Variants in CLASP2 observed in about 807,000 individuals in gnomAD.
The protein encoded by CLASP2 is CLIP-associating protein 2.
A neutral mutation model predicts 194.4 loss-of-function variants in CLASP2; 47 were observed. The observed-to-expected ratio is 0.24, with a 90% CI of 0.19 to 0.31. The LOEUF (loss-of-function observed/expected upper bound fraction) is 0.31, where lower values mean the gene tolerates loss of function less well. Ranked by LOEUF, CLASP2 falls within the 10% of genes least tolerant of loss-of-function variation. The pLI is 1.00. For synonymous variants in CLASP2, 619 were observed against 633.5 expected, an observed-to-expected ratio of 0.98 and a Z score of 0.34; for missense variants, 1,445 against 1,823.6, an observed-to-expected ratio of 0.79 and a Z score of 3.78.
intron 29 of CLASP2, among the ~76,000 whole-genome samples, chr3:33,555,654 C>T (rs550457696): frequency 6.6e-6 from 1 of 152,272 alleles, no homozygotes; most frequent in Admixed American, 6.5e-5. Flanking sequence ...AGGCATAAGC[C>T]ACCATTCCCT....
intron 25 of CLASP2, among the ~76,000 whole-genome samples, chr3:33,571,089 C>G (rs1288444041): frequency 6.7e-6 from 1 of 149,126 alleles, no homozygotes; most frequent in African/African-American, 2.5e-5. Flanking sequence ...TCTCGGCTCA[C>G]TGCAGGCTCC....
At chr3:33,546,896 T>G (rs1294581562) in intron 30 of CLASP2, among the ~76,000 whole-genome samples, 1 of 152,218 alleles carries the variant, frequency 6.6e-6, no homozygotes, top group Non-Finnish European at 1.5e-5. Context: ...ACTTATCTGT[T>G]TTTCCATTTG....
At chr3:33,548,742 G>T (rs1469949439) in intron 30 of CLASP2, among the ~76,000 whole-genome samples, 5 of 148,990 alleles carry the variant, frequency 3.4e-5, no homozygotes, top group African/African-American at 1.2e-4. Flanking sequence ...GCCACAATAG[G>T]TAACGACTAC....
intron 13 of CLASP2, 34 bp from the exon 14 acceptor site, chr3:33,608,660 T>G (rs1194552199): frequency 1.0e-5 from 15 of 1,453,298 alleles, no homozygotes; most frequent in Admixed American, 1.8e-5. Flanking sequence ...AACTAAATGT[T>G]GTATTGAGAA....
At chr3:33,631,297 G>C (rs984092089) in intron 9 of CLASP2, among the ~76,000 whole-genome samples, 3 of 151,990 alleles carry the variant, frequency 2.0e-5, no homozygotes, top group African/African-American at 7.3e-5. Flanking sequence ...AACCCTACAG[G>C]GTAACATCTA....
chr3:33,643,925 A>C (rs989257312), intron 8 of CLASP2, among the ~76,000 whole-genome samples: 1 of 152,098 alleles, frequency 6.6e-6, no homozygotes, highest in Non-Finnish European at 1.5e-5. Flanking sequence ...AAACAAGGAA[A>C]GATATGTTTT....
At chr3:33,709,137 G>A (rs189615288) in intron 1 of CLASP2, among the ~76,000 whole-genome samples, 1 of 152,130 alleles carries the variant, frequency 6.6e-6, no homozygotes, top group East Asian at 1.9e-4. Context: ...TTTTGCTTTT[G>A]TTGCCTGTAT....
chr3:33,650,617 T>G (rs113594765), intron 7 of CLASP2, among the ~76,000 whole-genome samples: 7 of 150,510 alleles, frequency 4.7e-5, no homozygotes, highest in African/African-American at 1.7e-4. Context: ...GAAGTAGGAA[T>G]AGATGGAAAT....
intron 32 of CLASP2, among the ~76,000 whole-genome samples, chr3:33,540,051 C>T (rs1215571847): frequency 1.3e-5 from 2 of 151,624 alleles, no homozygotes; most frequent in African/African-American, 4.9e-5. Context: ...ACCTCAGCCT[C>T]CCGAGTAGCT....
chr3:33,501,615 A>T (rs369833968), intron 38 of CLASP2, 37 bp downstream of exon 38: 6 of 1,268,410 alleles, frequency 4.7e-6, no homozygotes, highest in Admixed American at 1.7e-5. Flanking sequence ...AAGATGTACT[A>T]TGGCCACCAT....
chr3:33,627,170 A>G, intron 9 of CLASP2, 90 bp from the exon 10 acceptor site: 1 of 749,500 alleles, frequency 1.3e-6, no homozygotes, highest in South Asian at 1.6e-5. Flanking sequence ...TCTTTCACCT[A>G]TTAAGTTTAT....
At chr3:33,615,393 G>GA (rs1375415982) in intron 12 of CLASP2, among the ~76,000 whole-genome samples, 1 of 142,876 alleles carries the variant, frequency 7.0e-6, no homozygotes, top group Admixed American at 6.9e-5. Flanking sequence ...AAAAAAAAAG[G>GA]AAAGAAAAGC....
chr3:33,631,611 CACTTTA>C (rs1041917326), intron 9 of CLASP2, among the ~76,000 whole-genome samples: 2 of 151,468 alleles, frequency 1.3e-5, no homozygotes, highest in African/African-American at 4.9e-5. Context: ...GCAGGAGAAT[CACTTTA>C]ACCCAGAAGG....
At position 33,596,745 on chromosome 3, in the gene CLASP2, A is replaced by T. The variant is rs1364700132; in HGVS notation, c.1925-11T>A. 4 of 1,558,796 alleles carry T rather than the reference A, an allele frequency of 2.6e-6. No homozygotes were observed. Among genetic ancestry groups the T allele is most frequent in the Non-Finnish European group, 3.5e-6 (4 of 1,149,054 alleles). On this transcript the variant is annotated splice_polypyrimidine_tract_variant and intron_variant, in intron 18 of 38. Coordinates refer to ENST00000682230, the MANE Select transcript of CLASP2 (RefSeq NM_001365631.1). Reference sequence around the variant, plus strand: ...TGTCAGAAGTATCCTCTTTGATGAAAGCACAAGCAAAGAACAGAGGAAAAC... The same window carrying T: ...TGTCAGAAGTATCCTCTTTGATGAATGCACAAGCAAAGAACAGAGGAAAAC...
At chr3:33,708,506 G>GTATATATATATGTATA (rs200209597) in intron 1 of CLASP2, among the ~76,000 whole-genome samples, 1 of 58,520 alleles carries the variant, frequency 1.7e-5, no homozygotes, top group Non-Finnish European at 3.1e-5. Context: ...ATATATATAT[G>GTATATATATATGTATA]TATATATATG....
chr3:33,711,713 A>C (rs1187048310), intron 1 of CLASP2, among the ~76,000 whole-genome samples: 1 of 152,202 alleles, frequency 6.6e-6, no homozygotes, highest in East Asian at 1.9e-4. Flanking sequence ...AAGTGGGCAA[A>C]GGGCATGAAT....
intron 27 of CLASP2, among the ~76,000 whole-genome samples, chr3:33,562,486 A>C (rs923889122): frequency 6.6e-6 from 1 of 152,194 alleles, no homozygotes; most frequent in African/African-American, 2.4e-5. Context: ...ATCAGTTTGC[A>C]CCTGTCTAGA....
chr3:33,612,431 A>G (rs1231376642), intron 12 of CLASP2, among the ~76,000 whole-genome samples: 1 of 152,222 alleles, frequency 6.6e-6, no homozygotes, highest in African/African-American at 2.4e-5. Flanking sequence ...GTAAAAAATC[A>G]TAATTGCCAT....
intron 9 of CLASP2, among the ~76,000 whole-genome samples, chr3:33,628,923 T>C (rs2078547530): frequency 6.6e-6 from 1 of 151,634 alleles, no homozygotes; most frequent in Non-Finnish European, 1.5e-5. Flanking sequence ...GGGAATAAAA[T>C]GGAAGAACAT....
Sources: allele counts gnomAD v4.1 joint callset (sites outside exome capture counted in the v4.1 genomes callset), GRCh38; gene constraint gnomAD v4.1.1; transcripts MANE v1.5; gene names NCBI Gene and HGNC (gene_info 2026-07-23, HGNC 2026-07-21).